Variants in DIP2C observed in about 807,000 individuals in gnomAD.
DIP2C encodes DIP2 acetate--CoA ligase C (putative), also known as disco-interacting protein 2 homolog C.
Under a neutral mutation model 192.4 loss-of-function variants are expected in DIP2C, and 33 were observed. The observed-to-expected ratio is 0.17, with a 90% CI of 0.13 to 0.23. The LOEUF is 0.23. DIP2C is among the 10% of genes least tolerant of loss of function. The pLI is 1.00. For synonymous variants in DIP2C, 979 were observed against 864.1 expected, an observed-to-expected ratio of 1.13 and a Z score of -2.33; for missense variants, 1,537 against 2,110.1, an observed-to-expected ratio of 0.73 and a Z score of 5.32.
chr10:460,344 C>A (rs542558218), intron 3 of DIP2C, among the ~76,000 whole-genome samples: 10 of 152,170 alleles, frequency 6.6e-5, no homozygotes, highest in Non-Finnish European at 1.5e-4. Context: ...TCTAGGTGCT[C>A]AATAAATGCC....
chr10:653,444 G>C (rs1189145667), intron 1 of DIP2C, among the ~76,000 whole-genome samples: 1 of 152,084 alleles, frequency 6.6e-6, no homozygotes, highest in African/African-American at 2.4e-5. Context: ...CGAGACTCTT[G>C]TTTCAAAAAT....
rs143143183 is a variant in DIP2C, at chr10:506,558, G to A, written c.86-20028C>T. On this transcript the variant is annotated intron_variant, in intron 1 of 36. Transcript: ENST00000280886. The stretch of plus-strand genomic sequence containing the variant: ...ATGTGATGGGGACGCTGAATGATAC[G>A]CCAACGTACCAGAATAGAATCCCCA... 7.9e-5 allele frequency among the ~76,000 whole-genome samples: 12 copies of A among 152,262 alleles called. No homozygotes were observed. In the South Asian group the frequency reaches 1.0e-3, roughly 13 times the overall value.
intron 1 of DIP2C, among the ~76,000 whole-genome samples, chr10:647,916 A>T (rs1855562870): frequency 6.6e-6 from 1 of 151,056 alleles, no homozygotes; most frequent in Admixed American, 6.6e-5. Context: ...AACAGAGGGA[A>T]ACTGAATCCA....
intron 1 of DIP2C, chr10:668,256 C>A (rs1053895727): frequency 6.6e-6 from 1 of 151,812 alleles, no homozygotes; most frequent in Non-Finnish European, 1.5e-5. Context: ...ACAATATGCA[C>A]GTACAACACA....
chr10:469,751 TAA>T (rs1970481299), intron 3 of DIP2C, among the ~76,000 whole-genome samples: 1 of 152,182 alleles, frequency 6.6e-6, no homozygotes, highest in South Asian at 2.1e-4. Flanking sequence ...TCCCTTCACC[TAA>T]AATATTCTAG....
intron 1 of DIP2C, among the ~76,000 whole-genome samples, chr10:565,390 C>G (rs566958939): frequency 7.1e-6 from 1 of 140,530 alleles, no homozygotes; most frequent in Non-Finnish European, 1.5e-5. Context: ...CAAACACACA[C>G]AACCCCATAA....
intron 1 of DIP2C, among the ~76,000 whole-genome samples, chr10:597,265 C>T (rs549233546): frequency 1.3e-5 from 2 of 152,330 alleles, no homozygotes; most frequent in Non-Finnish European, 2.9e-5. Context: ...CTTTGAGCCA[C>T]ACCCTCCCAG....
intron 1 of DIP2C, among the ~76,000 whole-genome samples, chr10:506,510 TCA>T (rs1215649486): frequency 2.0e-5 from 3 of 152,106 alleles, no homozygotes; most frequent in South Asian, 2.1e-4. Context: ...GCAGGGCCAC[TCA>T]CAGAGCACAG....
At chr10:411,544 C>T (rs938960119) in intron 8 of DIP2C, among the ~76,000 whole-genome samples, 15 of 152,262 alleles carry the variant, frequency 9.9e-5, no homozygotes, top group African/African-American at 3.1e-4. Flanking sequence ...TGAGGGGAAA[C>T]GGCAGGACTT....
chr10:368,287 G>C (rs1010716743), intron 18 of DIP2C, among the ~76,000 whole-genome samples: 4 of 152,264 alleles, frequency 2.6e-5, no homozygotes, highest in African/African-American at 9.6e-5. Context: ...GCCCGCGGTT[G>C]TTCTCACAGT....
At chr10:446,201 A>G (rs1968189576) in intron 3 of DIP2C, among the ~76,000 whole-genome samples, 1 of 149,874 alleles carries the variant, frequency 6.7e-6, no homozygotes, top group African/African-American at 2.5e-5. Flanking sequence ...TGCACTGGGC[A>G]TCTGTATACA....
chr10:487,341 T>C (rs553659319), intron 1 of DIP2C, among the ~76,000 whole-genome samples: 117 of 152,254 alleles, frequency 7.7e-4, no homozygotes, highest in African/African-American at 2.4e-3. Flanking sequence ...AACAAAAATA[T>C]AGCAAATGAA....
At chr10:418,454 C>G (rs1027292866) in intron 6 of DIP2C, among the ~76,000 whole-genome samples, 1 of 152,224 alleles carries the variant, frequency 6.6e-6, no homozygotes, top group African/African-American at 2.4e-5. Flanking sequence ...AGGTTCTACC[C>G]TGACTTTTAT....
chr10:561,001 A>G (rs1163644041), intron 1 of DIP2C, among the ~76,000 whole-genome samples: 6 of 152,216 alleles, frequency 3.9e-5, no homozygotes, highest in African/African-American at 1.4e-4. Flanking sequence ...TCAATCAGGA[A>G]ATTTTTGAAT....
intron 1 of DIP2C, among the ~76,000 whole-genome samples, chr10:526,549 C>T (rs1847064224): frequency 6.7e-6 from 1 of 150,026 alleles, no homozygotes; most frequent in Non-Finnish European, 1.5e-5. Flanking sequence ...AAAAAAAAAT[C>T]CGTGGCATTT....
At chr10:442,374 TA>T (rs1165297022) in intron 3 of DIP2C, among the ~76,000 whole-genome samples, 1 of 150,378 alleles carries the variant, frequency 6.6e-6, no homozygotes, top group African/African-American at 2.5e-5. Context: ...TCTAACTAGA[TA>T]AAGAGCCTGG....
rs547913565 is a variant in DIP2C at position 326,727 on chromosome 10, C to G, written c.3924+279G>C. Among the ~76,000 whole-genome samples the G allele has an allele frequency of 1.1e-4, 17 of 152,254 alleles. 1 individual carries two copies. The highest frequency in any genetic ancestry group is 8.3e-4 in the South Asian group (4 of 4,826). On this transcript the variant is annotated intron_variant, in intron 31 of 36. Transcript: ENST00000280886. The stretch of plus-strand genomic sequence containing the variant: ...GTCTAGTATCTAATCTTTAAAAAGT[C>G]GAACAGCAGAGGTCTGGACAAACTG...
intron 1 of DIP2C, among the ~76,000 whole-genome samples, chr10:527,041 C>T (rs1588391653): frequency 1.3e-5 from 2 of 152,326 alleles, no homozygotes; most frequent in South Asian, 4.1e-4. Flanking sequence ...CAGCTGTCTG[C>T]AGTGAGCCAC....
chr10:499,420 T>C (rs994392010), intron 1 of DIP2C, among the ~76,000 whole-genome samples: 2 of 152,224 alleles, frequency 1.3e-5, no homozygotes, highest in East Asian at 1.9e-4. Context: ...AGCAGTTTGA[T>C]TGACTCACAG....
Sources: gnomAD v4.1 joint callset for allele counts (sites outside exome capture counted in the v4.1 genomes callset) on GRCh38, gnomAD v4.1.1 for gene constraint, MANE v1.5 for transcripts, NCBI Gene and HGNC (gene_info 2026-07-23, HGNC 2026-07-21) for gene names.